Variants in DST observed in about 807,000 individuals in gnomAD.
The protein encoded by DST is dystonin, also known as bullous pemphigoid antigen.
In DST, 253 loss-of-function variants were observed where a neutral mutation model predicts 875.2. The ratio of observed to expected loss-of-function variants is 0.29; its 90% CI spans 0.26 to 0.32. DST has a LOEUF of 0.32. DST is among the 10% of genes least tolerant of loss of function. The probability of loss-of-function intolerance (pLI) is 1.00; values close to 1 mark genes in which losing one functional copy is unlikely to be tolerated. For missense variants in DST, 8,287 were observed against 9,111.6 expected (o/e 0.91, Z 3.68); for synonymous variants, 3,124 against 3,197.1 (o/e 0.98, Z 0.77).
At chr6:56,874,682 T>C (rs1314869874) in intron 3 of DST, among the ~76,000 whole-genome samples, 1 of 152,254 alleles carries the variant, frequency 6.6e-6, no homozygotes, top group East Asian at 1.9e-4. Flanking sequence ...CTTTCCCACA[T>C]GAGCCTGAAA....
rs2098461695 is a variant in DST at position 56,603,227 on chromosome 6, A to T, written c.11135T>A (p.Met3712Lys). 6.2e-7 allele frequency: 1 copy of T among 1,605,044 alleles called. No homozygotes were observed. Among genetic ancestry groups the T allele is most frequent in the African/African-American group, 1.3e-5 (1 of 74,858 alleles). Reference sequence around the variant, plus strand: ...TACCATTTCAGAGTCGATCGCAAGCATGATCTGTTTCGTTCTTTCTGAAGA... The same window carrying T: ...TACCATTTCAGAGTCGATCGCAAGCTTGATCTGTTTCGTTCTTTCTGAAGA... ...NVSSERTKQI[M>K]LAIDSEMSKL... Residue 3712 changes from methionine to lysine, a missense_variant, in exon 42 of 104, where the codon ATG becomes AAG. Met to Lys is a moderately conservative substitution (Grantham distance 95, BLOSUM62 -1). Transcript: ENST00000680361.
chr6:56,900,059 G>T (rs1793348235), intron 3 of DST, among the ~76,000 whole-genome samples: 1 of 152,154 alleles, frequency 6.6e-6, no homozygotes, highest in Admixed American at 6.5e-5. Flanking sequence ...CTCCTATCCT[G>T]ACACTGGTTT....
chr6:56,664,652 G>A (rs2099063009), intron 10 of DST, among the ~76,000 whole-genome samples: 1 of 152,098 alleles, frequency 6.6e-6, no homozygotes, highest in South Asian at 2.1e-4. Context: ...TTTGATCTAA[G>A]TTCATCAAAT....
chr6:56,589,289 C>G (rs1239761351), intron 49 of DST, among the ~76,000 whole-genome samples: 2 of 152,148 alleles, frequency 1.3e-5, no homozygotes, highest in Non-Finnish European at 2.9e-5. Context: ...ACATCACATG[C>G]CTTTACTCTT....
chr6:56,683,067 C>T (rs141521692), intron 9 of DST, among the ~76,000 whole-genome samples: 19 of 152,274 alleles, frequency 1.2e-4, no homozygotes, highest in African/African-American at 4.6e-4. Flanking sequence ...CTTGCCATTA[C>T]TTTTAATGGC....
chr6:56,835,998 A>G (rs1010838318), intron 4 of DST, among the ~76,000 whole-genome samples: 1 of 152,236 alleles, frequency 6.6e-6, no homozygotes, highest in African/African-American at 2.4e-5. Context: ...GGAAATGCTC[A>G]TGTTAAAATT....
At chr6:56,578,961 T>A in intron 49 of DST, 24 bp from the exon 50 acceptor site, 1 of 1,558,148 alleles carries the variant, frequency 6.4e-7, no homozygotes, top group Non-Finnish European at 8.7e-7. Flanking sequence ...CGCTTTTCAA[T>A]TATACTCAGC....
chr6:56,879,011 G>C (rs539957774), intron 3 of DST, among the ~76,000 whole-genome samples: 66 of 152,248 alleles, frequency 4.3e-4, no homozygotes, highest in African/African-American at 1.5e-3. Context: ...CTTAGGAGTA[G>C]AGAGTGAGTT....
At chr6:56,710,911 T>C (rs2099360672) in intron 5 of DST, among the ~76,000 whole-genome samples, 1 of 152,214 alleles carries the variant, frequency 6.6e-6, no homozygotes, top group Non-Finnish European at 1.5e-5. Flanking sequence ...AAGTCAACAT[T>C]AAGGCCACAT....
intron 4 of DST, among the ~76,000 whole-genome samples, chr6:56,780,940 C>A (rs2099692283): frequency 6.6e-6 from 1 of 152,248 alleles, no homozygotes; most frequent in East Asian, 1.9e-4. Flanking sequence ...CAGCTTTCTA[C>A]ATATGGTTGC....
chr6:56,573,085 C>CAT, intron 51 of DST, 21 bp from the exon 52 acceptor site: 1 of 1,488,244 alleles, frequency 6.7e-7, no homozygotes, highest in Non-Finnish European at 9.0e-7. Flanking sequence ...CCAAATATTG[C>CAT]ATATCTTTTA....
chr6:56,610,690 C>T (rs2098537160), intron 38 of DST, 128 bp from the exon 39 acceptor site: 2 of 658,388 alleles, frequency 3.0e-6, no homozygotes, highest in Non-Finnish European at 4.8e-6. Context: ...TTGCTCAGGT[C>T]TCAGTATGAC....
At chr6:56,800,899 A>G (rs561609397) in intron 4 of DST, among the ~76,000 whole-genome samples, 1 of 152,076 alleles carries the variant, frequency 6.6e-6, no homozygotes, top group Non-Finnish European at 1.5e-5. Context: ...ACACACCTGT[A>G]GCCCCAGGTA....
At chr6:56,699,604 A>G (rs1376509894) in intron 9 of DST, 49 bp downstream of exon 9, 3 of 864,346 alleles carry the variant, frequency 3.5e-6, no homozygotes, top group Non-Finnish European at 1.8e-6. Context: ...CATAGGAACC[A>G]CCTGAAAACT....
chr6:56,818,953 G>C (rs1262547738), intron 4 of DST, among the ~76,000 whole-genome samples: 1 of 152,046 alleles, frequency 6.6e-6, no homozygotes, highest in African/African-American at 2.4e-5. Flanking sequence ...TCTGACCCTG[G>C]ATCATCATTC....
At chr6:56,744,128 G>A (rs531772217) in intron 4 of DST, among the ~76,000 whole-genome samples, 3 of 145,480 alleles carry the variant, frequency 2.1e-5, no homozygotes, top group East Asian at 4.0e-4. Context: ...CAGCCTGGGC[G>A]ACAAGAGTGA....
At position 56,628,157 on chromosome 6, in the gene DST, G is replaced by A. The variant is rs773459732; in HGVS notation, c.4480C>T (p.Arg1494Trp). The change falls in exon 33 of 104, where the codon CGG (arginine) becomes TGG (tryptophan). Residue 1494 changes from arginine (R) to tryptophan (W), a missense_variant. By Grantham distance (101) the Arg-to-Trp change is moderately radical (BLOSUM62 -3). Around this residue, in one of 10 missense-constraint regions of DST, gnomAD observed 3,138 missense variants for 3,116.6 expected, o/e 1.01. Coordinates refer to ENST00000680361, the MANE Select transcript of DST (RefSeq NM_001374736.1). The stretch of plus-strand genomic sequence containing the variant: ...GATTTGCCAATGCCCTCTAAGTCCC[G>A]TAACCTAAGAGAATAGTAACCGAAT... ...NVHVQIDNRLRDLEGIGKSLK... is the reference protein window; with the variant it reads ...NVHVQIDNRLWDLEGIGKSLK... The A allele has an allele frequency of 6.2e-6, 10 of 1,612,766 alleles. No individual in the cohort carries two copies. The highest frequency in any genetic ancestry group is 4.0e-5 in the African/African-American group (3 of 74,868).
chr6:56,951,769 G>A (rs367913194), intron 2 of DST, among the ~76,000 whole-genome samples: 2 of 152,140 alleles, frequency 1.3e-5, no homozygotes, highest in East Asian at 1.9e-4. Flanking sequence ...AATTCAAACC[G>A]AATCCATTTT....
At chr6:56,848,145 G>A (rs6905603) in intron 4 of DST, among the ~76,000 whole-genome samples, 25,855 of 152,144 alleles carry the variant, frequency 0.17, 2,441 homozygotes, top group African/African-American at 0.2. Flanking sequence ...GTAAGTTTGT[G>A]TCCATTCACC....
Sources: gnomAD v4.1 joint callset for allele counts (sites outside exome capture counted in the v4.1 genomes callset) on GRCh38, gnomAD v4.1.1 for gene constraint, gnomAD v4.1.1 regional missense constraint, MANE v1.5 for transcripts, NCBI Gene and HGNC (gene_info 2026-07-23, HGNC 2026-07-21) for gene names.